ATP8B1: variants seen among roughly 807,000 people sequenced by gnomAD.
ATP8B1 encodes phospholipid-transporting ATPase IC.
ATP8B1 carries 80 observed loss-of-function variants against 149.9 expected under a neutral mutation model. The observed-to-expected ratio is 0.53, with a 90% CI of 0.45 to 0.64. ATP8B1 has a LOEUF of 0.64. Among genes scored for constraint, ATP8B1 ranks in the 30% least tolerant of loss-of-function variants. The pLI is 0.00. For synonymous variants in ATP8B1, 536 were observed against 562.8 expected (o/e 0.95, Z 0.67); for missense variants, 1,247 against 1,552.6 (o/e 0.80, Z 3.31).
chr18:57,704,879 T>G (rs1427112617), intron 3 of ATP8B1, among the ~76,000 whole-genome samples: 1 of 151,934 alleles, frequency 6.6e-6, no homozygotes, highest in Non-Finnish European at 1.5e-5. Context: ...AGCCTAGGAG[T>G]TTGAGACCAG....
chr18:57,744,767 T>C (rs2079950134), intron 1 of ATP8B1, among the ~76,000 whole-genome samples: 1 of 152,234 alleles, frequency 6.6e-6, no homozygotes, highest in African/African-American at 2.4e-5. Flanking sequence ...CTGAATTAAT[T>C]TTAATGTTAG....
intron 6 of ATP8B1, 127 bp downstream of exon 6, chr18:57,700,912 A>C: frequency 9.6e-7 from 1 of 1,038,844 alleles, no homozygotes; most frequent in Non-Finnish European, 1.5e-6. Flanking sequence ...GCGAGACTCT[A>C]TCTCGAAAAA....
At chr18:57,745,494 A>C (rs2079956183) in intron 1 of ATP8B1, among the ~76,000 whole-genome samples, 1 of 151,378 alleles carries the variant, frequency 6.6e-6, no homozygotes, top group South Asian at 2.1e-4. Context: ...CTGGTCTTGA[A>C]CTCCTGACCT....
intron 1 of ATP8B1, among the ~76,000 whole-genome samples, chr18:57,751,122 AAAAAT>A (rs988465195): frequency 6.6e-6 from 1 of 152,134 alleles, no homozygotes; most frequent in African/African-American, 2.4e-5. Context: ...GACTATCTCA[AAAAAT>A]AAAATAGAAT....
At chr18:57,748,377 C>G (rs1405160073) in intron 1 of ATP8B1, among the ~76,000 whole-genome samples, 1 of 152,208 alleles carries the variant, frequency 6.6e-6, no homozygotes, top group African/African-American at 2.4e-5. Context: ...CTTCCAGAAA[C>G]TAGGAGAGAA....
At chr18:57,672,281 A>G (rs1911253823) in intron 16 of ATP8B1, among the ~76,000 whole-genome samples, 1 of 152,254 alleles carries the variant, frequency 6.6e-6, no homozygotes, top group East Asian at 1.9e-4. Flanking sequence ...TTCGACCACA[A>G]CACCACTCCT....
chr18:57,772,493 G>A (rs1434975229), intron 1 of ATP8B1, among the ~76,000 whole-genome samples: 1 of 152,226 alleles, frequency 6.6e-6, no homozygotes, highest in African/African-American at 2.4e-5. Context: ...GGAGGAAGAA[G>A]AAGAGAGTTG....
At chr18:57,657,497 A>C (rs2122608591) in intron 22 of ATP8B1, among the ~76,000 whole-genome samples, 1 of 152,338 alleles carries the variant, frequency 6.6e-6, no homozygotes, top group Non-Finnish European at 1.5e-5. Context: ...AAGAAGCTTC[A>C]AAAATCCTGC....
rs376838387 is a variant in ATP8B1, at chr18:57,691,873, C to A, written c.1154G>T (p.Gly385Val). ...DGEDDTPSYR[G>V]FLIFWGYIIV... ...GATATAGCCCCAGAAAATGAGGAAT[C>A]CACGGTAGGAGGGTGTATCGTCTTC... The change falls in exon 12 of 28, where the codon GGA (glycine) becomes GTA (valine). Residue 385 changes from glycine (G) to valine (V), a missense_variant. Around this residue, in one of 3 missense-constraint regions of ATP8B1, gnomAD observed 853 missense variants for 1,035.7 expected, o/e 0.82. Coordinates refer to ENST00000648908, the MANE Select transcript of ATP8B1 (RefSeq NM_001374385.1). The A allele has an allele frequency of 1.9e-6, 3 of 1,614,110 alleles. No individual in the cohort carries two copies. Among genetic ancestry groups the A allele is most frequent in the Non-Finnish European group, 2.5e-6 (3 of 1,180,012 alleles).
chr18:57,687,971 C>G (rs138005601), intron 13 of ATP8B1, among the ~76,000 whole-genome samples: 2 of 151,954 alleles, frequency 1.3e-5, no homozygotes, highest in Admixed American at 1.3e-4. Flanking sequence ...TTAGTAGAGA[C>G]GGGGTTTTGC....
At chr18:57,675,790 C>T (rs188292792) in intron 15 of ATP8B1, among the ~76,000 whole-genome samples, 3 of 152,266 alleles carry the variant, frequency 2.0e-5, no homozygotes, top group Admixed American at 2.0e-4. Context: ...ACTGAAGCCT[C>T]AATCTCCCCA....
chr18:57,746,572 C>G (rs1340164539), intron 1 of ATP8B1, among the ~76,000 whole-genome samples: 1 of 146,108 alleles, frequency 6.8e-6, no homozygotes, highest in Non-Finnish European at 1.5e-5. Flanking sequence ...CTCCCTGGTT[C>G]AGGCAATTCT....
In ATP8B1 at chr18:57,701,115, T is replaced by C. The variant is rs749145712; in HGVS notation, c.493-15A>G. 3.7e-6 allele frequency: 6 copies of C among 1,613,780 alleles called. No homozygotes were observed. Among genetic ancestry groups the C allele is most frequent in the Non-Finnish European group, 5.1e-6 (6 of 1,179,844 alleles). On this transcript the variant is annotated splice_polypyrimidine_tract_variant and intron_variant, in intron 5 of 27. Transcript: ENST00000648908. Reference sequence around the variant, plus strand: ...TTATGGCGAGCCTTGAGAAGGAAGATGGGGAAATGCTGTTTTAAACATCTC... The same window carrying C: ...TTATGGCGAGCCTTGAGAAGGAAGACGGGGAAATGCTGTTTTAAACATCTC...
chr18:57,652,771 C>A, intron 24 of ATP8B1, 42 bp from the exon 25 acceptor site: 1 of 1,613,104 alleles, frequency 6.2e-7, no homozygotes, highest in South Asian at 1.1e-5. Context: ...TTCATCAGGT[C>A]AAAGCAGTCA....
In ATP8B1 at chr18:57,695,176, A is replaced by C; in HGVS notation, c.935T>G (p.Phe312Cys). Reference sequence around the variant, plus strand: ...CCAAGAAACTCTGAACGTACCTGCAAAAATGACTAAGCCGTGGCAGAAATC... The same window carrying C: ...CCAAGAAACTCTGAACGTACCTGCACAAATGACTAAGCCGTGGCAGAAATC... ...NTDFCHGLVIFAGADTKIMKN... is the reference protein window; with the variant it reads ...NTDFCHGLVICAGADTKIMKN... The change falls in exon 10 of 28, where the codon TTT becomes TGT. Residue 312 changes from phenylalanine (F) to cysteine (C), a missense_variant. Physicochemically the swap from Phe to Cys is radical, Grantham distance 205. Coordinates refer to ENST00000648908, the MANE Select transcript of ATP8B1 (RefSeq NM_001374385.1). 5.6e-6 allele frequency: 9 copies of C among 1,614,190 alleles called. No individual in the cohort carries two copies. Among genetic ancestry groups the C allele is most frequent in the Non-Finnish European group, 6.8e-6 (8 of 1,180,030 alleles).
intron 1 of ATP8B1, among the ~76,000 whole-genome samples, chr18:57,794,328 TG>T (rs1406570351): frequency 1.3e-5 from 2 of 152,086 alleles, no homozygotes; most frequent in African/African-American, 4.8e-5. Context: ...TAAAGGCATC[TG>T]ATTTTTATAC....
chr18:57,761,190 C>T (rs1377749735), intron 1 of ATP8B1, among the ~76,000 whole-genome samples: 1 of 151,768 alleles, frequency 6.6e-6, no homozygotes, highest in East Asian at 1.9e-4. Context: ...ATCCTTCCAC[C>T]TTGGCCTCCC....
intron 2 of ATP8B1, among the ~76,000 whole-genome samples, chr18:57,730,991 C>T (rs1221444199): frequency 1.3e-5 from 2 of 152,076 alleles, no homozygotes; most frequent in African/African-American, 4.8e-5. Flanking sequence ...CGCATAACTC[C>T]ATTTTAAGAA....
intron 2 of ATP8B1, among the ~76,000 whole-genome samples, chr18:57,719,517 G>C (rs2079617692): frequency 6.6e-6 from 1 of 152,160 alleles, no homozygotes; most frequent in Non-Finnish European, 1.5e-5. Context: ...CTGGAAAATC[G>C]GGTCACTCCC....
Sources: allele counts gnomAD v4.1 joint callset (sites outside exome capture counted in the v4.1 genomes callset), GRCh38; gene constraint gnomAD v4.1.1; regional missense constraint gnomAD v4.1.1; transcripts MANE v1.5; gene names NCBI Gene and HGNC (gene_info 2026-07-23, HGNC 2026-07-21).